AOPEP: variants seen among roughly 807,000 people sequenced by gnomAD.
AOPEP encodes aminopeptidase O.
In AOPEP, 77 loss-of-function variants were observed where a neutral mutation model predicts 98.1. The ratio of observed to expected loss-of-function variants is 0.78; its 90% confidence interval spans 0.65 to 0.95. AOPEP has a LOEUF of 0.95. Ranked by LOEUF, AOPEP falls within the 40% of genes least tolerant of loss-of-function variation. AOPEP has a pLI of 0.00. For missense variants in AOPEP, 1,024 were observed against 1,024.7 expected (o/e 1.00, Z 0.01); for synonymous variants, 346 against 365.3 (o/e 0.95, Z 0.60).
the AOPEP span, chr9:95,125,092 G>T: frequency 1.2e-6 from 2 of 1,613,668 alleles, no homozygotes; most frequent in African/African-American, 2.7e-5. Context: ...AAACCTGCTT[G>T]CTTGCTTTCT....
intron 5 of AOPEP, among the ~76,000 whole-genome samples, chr9:94,864,130 C>T (rs1342078242): frequency 6.6e-6 from 1 of 152,126 alleles, no homozygotes; most frequent in Non-Finnish European, 1.5e-5. Context: ...CTCAGTGAGC[C>T]ACTTTTTGCA....
intron 5 of AOPEP, among the ~76,000 whole-genome samples, chr9:94,848,376 C>T (rs1285168018): frequency 2.8e-5 from 4 of 141,624 alleles, no homozygotes; most frequent in African/African-American, 5.3e-5. Flanking sequence ...GGCATGAACC[C>T]GGGAGGCGGA....
At chr9:94,802,729 G>C (rs938098617) in intron 5 of AOPEP, among the ~76,000 whole-genome samples, 5 of 152,172 alleles carry the variant, frequency 3.3e-5, no homozygotes, top group Admixed American at 6.5e-5. Context: ...ATTTGTGGTT[G>C]GTTGTCAAAT....
Position 95,030,721 on chromosome 9 carries a change from G to A in AOPEP, c.2115+25105G>A, listed in dbSNP as rs139346986. ...ATGAATCAAACAGGCATCCATTTCA[G>A]AATCTCAGGGGACACTGCCAGCTCC... On this transcript the variant is annotated intron_variant, in intron 13 of 16. Coordinates refer to ENST00000375315, the MANE Select transcript of AOPEP (RefSeq NM_001193329.3). 1.6e-3 allele frequency among the ~76,000 whole-genome samples: 245 copies of A among 152,306 alleles called. 1 individual carries two copies. The highest frequency in any genetic ancestry group is 5.5e-3 in the African/African-American group (228 of 41,550).
At chr9:94,761,718 A>T (rs1201724145) in intron 2 of AOPEP, among the ~76,000 whole-genome samples, 4 of 152,130 alleles carry the variant, frequency 2.6e-5, no homozygotes, top group Non-Finnish European at 5.9e-5. Context: ...TTCCTGTCTT[A>T]TTTCTGTTAG....
intron 5 of AOPEP, among the ~76,000 whole-genome samples, chr9:94,916,445 C>T (rs987137208): frequency 1.2e-4 from 19 of 152,300 alleles, no homozygotes; most frequent in Non-Finnish European, 2.4e-4. Context: ...AGGCTCATGC[C>T]TGTAATCCCA....
chr9:94,783,732 G>T (rs1843789148), intron 3 of AOPEP, among the ~76,000 whole-genome samples: 1 of 152,018 alleles, frequency 6.6e-6, no homozygotes, highest in Non-Finnish European at 1.5e-5. Context: ...ATTCTCTATA[G>T]TATGTCTGTA....
At chr9:94,803,042 T>C (rs779685375) in intron 5 of AOPEP, among the ~76,000 whole-genome samples, 7 of 152,184 alleles carry the variant, frequency 4.6e-5, no homozygotes, top group Non-Finnish European at 8.8e-5. Flanking sequence ...GAGACTTTGC[T>C]TGAGGTTTTA....
At chr9:95,056,795 C>A (rs1272853096) in intron 13 of AOPEP, among the ~76,000 whole-genome samples, 1 of 152,152 alleles carries the variant, frequency 6.6e-6, no homozygotes, top group African/African-American at 2.4e-5. Context: ...TAGAGTAGAA[C>A]ACAGACTTCT....
In AOPEP at chr9:94,928,477, G is replaced by C; in HGVS notation, c.1607G>C (p.Trp536Ser). The C allele has an allele frequency of 6.4e-7, 1 of 1,550,394 alleles. No individual in the cohort carries two copies. Among genetic ancestry groups the C allele is most frequent in the Non-Finnish European group, 8.7e-7 (1 of 1,147,012 alleles). ...EQQELRACLRWRRLQDEMQCS... is the reference protein window; with the variant it reads ...EQQELRACLRSRRLQDEMQCS... ...CAGGAGCTGAGGGCTTGTCTGCGCT[G>C]GCGTCGCCTCCAGGACGAGATGCAA... The change falls in exon 7 of 17, where the codon TGG becomes TCG. Residue 536 changes from tryptophan to serine, a missense_variant. By Grantham distance (177) the Trp-to-Ser change is radical. This residue lies in a region of AOPEP where 566 missense variants were observed against 551.7 expected (regional missense o/e 1.03). Transcript: ENST00000375315.
intron 13 of AOPEP, among the ~76,000 whole-genome samples, chr9:95,020,910 C>T (rs1259476661): frequency 3.3e-4 from 8 of 24,002 alleles, no homozygotes; most frequent in Non-Finnish European, 9.8e-4. Context: ...CAGAGTGAGA[C>T]CTTGTCTCAA....
chr9:95,086,530 G>A (rs547424896), intron 16 of AOPEP, 152 bp from the exon 17 acceptor site: 67 of 985,390 alleles, frequency 6.8e-5, no homozygotes, highest in Non-Finnish European at 7.6e-5. Context: ...GCTGTGACCC[G>A]TCCCGGAGAC....
intron 9 of AOPEP, among the ~76,000 whole-genome samples, chr9:94,962,492 A>G (rs1214513160): frequency 1.3e-5 from 2 of 152,144 alleles, no homozygotes; most frequent in Admixed American, 6.5e-5. Context: ...TTTCTTCCTT[A>G]GTTGCATCTT....
downstream of AOPEP, among the ~76,000 whole-genome samples, chr9:95,090,592 C>A (rs59069079): frequency 6.6e-6 from 1 of 152,114 alleles, no homozygotes; most frequent in Non-Finnish European, 1.5e-5. Context: ...TGCACTTGGT[C>A]GCCTGCAGGC....
At chr9:94,926,070 T>G (rs2054273315) in intron 6 of AOPEP, among the ~76,000 whole-genome samples, 1 of 152,224 alleles carries the variant, frequency 6.6e-6, no homozygotes, top group South Asian at 2.1e-4. Flanking sequence ...CTTCTGAGAC[T>G]CTCAGATTCG....
Position 94,955,182 on chromosome 9 carries a change from G to T in AOPEP, c.1667G>T (p.Ser556Ile). The T allele has an allele frequency of 6.2e-7, 1 of 1,608,488 alleles. No homozygotes were observed. Among genetic ancestry groups the T allele is most frequent in the Non-Finnish European group, 8.5e-7 (1 of 1,176,414 alleles). Reference protein sequence around the residue: ...SPEEMQVLRPSKDKTGHTSDS... With the variant: ...SPEEMQVLRPIKDKTGHTSDS... ...TTGTTACTAAATCGTTTTAGACCCA[G>T]TAAAGACAAAACTGGCCACACAAGT... The change falls in exon 8 of 17, where the codon AGT (serine) becomes ATT (isoleucine). Residue 556 changes from serine (S) to isoleucine (I), a missense_variant. Ser to Ile is a moderately radical substitution (Grantham distance 142, BLOSUM62 -2). Around this residue, in one of 3 missense-constraint regions of AOPEP, gnomAD observed 566 missense variants for 551.7 expected, o/e 1.03. Coordinates refer to ENST00000375315, the MANE Select transcript of AOPEP (RefSeq NM_001193329.3).
intron 1 of AOPEP, among the ~76,000 whole-genome samples, chr9:94,743,102 CTG>C (rs1289164272): frequency 3.3e-5 from 5 of 151,946 alleles, no homozygotes; most frequent in African/African-American, 9.7e-5. Flanking sequence ...AGGCTGCTCT[CTG>C]TGGAGTAGCC....
chr9:94,896,984 T>C (rs139014815), intron 5 of AOPEP, among the ~76,000 whole-genome samples: 4 of 151,594 alleles, frequency 2.6e-5, no homozygotes, highest in African/African-American at 9.7e-5. Flanking sequence ...TTATTTAAAT[T>C]AAAAAGCACC....
chr9:94,898,620 A>G (rs1225541244), intron 5 of AOPEP, among the ~76,000 whole-genome samples: 5 of 144,664 alleles, frequency 3.5e-5, no homozygotes, highest in Non-Finnish European at 7.5e-5. Context: ...CGACAGAACA[A>G]GACTGTCTCA....
Sources: allele counts gnomAD v4.1 joint callset (sites outside exome capture counted in the v4.1 genomes callset), GRCh38; gene constraint gnomAD v4.1.1; regional missense constraint gnomAD v4.1.1; transcripts MANE v1.5; gene names NCBI Gene and HGNC (gene_info 2026-07-23, HGNC 2026-07-21).